The following RBFOX1 variants were observed in gnomAD, a reference collection of about 807,000 sequenced individuals.
The protein encoded by RBFOX1 is RNA binding fox-1 homolog 1, also known as RNA binding protein fox-1 homolog 1.
In RBFOX1, 8 loss-of-function variants were observed where a neutral mutation model predicts 57.7. The observed-to-expected ratio is 0.14, with a 90% confidence interval of 0.08 to 0.25. The LOEUF (loss-of-function observed/expected upper bound fraction) is 0.25. Among genes scored for constraint, RBFOX1 ranks in the 10% least tolerant of loss-of-function variants. RBFOX1 has a pLI of 1.00. For missense variants in RBFOX1, 611 were observed against 548.5 expected (o/e 1.11, Z -1.14); for synonymous variants, 326 against 222.4 (o/e 1.47, Z -4.15).
chr16:6,079,488 T>C (rs2095965422), intron 1 of RBFOX1, among the ~76,000 whole-genome samples: 1 of 152,144 alleles, frequency 6.6e-6, no homozygotes, highest in African/African-American at 2.4e-5. Context: ...TTTATTTTTA[T>C]TTGTTTTTTA....
chr16:6,231,062 C>T (rs1170796454), intron 1 of RBFOX1, among the ~76,000 whole-genome samples: 3 of 152,060 alleles, frequency 2.0e-5, no homozygotes, highest in Admixed American at 1.3e-4. Context: ...CAGATAGAAA[C>T]TAATTAAAGA....
At chr16:7,343,610 A>T (rs776927538) in intron 4 of RBFOX1, among the ~76,000 whole-genome samples, 2 of 152,136 alleles carry the variant, frequency 1.3e-5, no homozygotes, top group African/African-American at 4.8e-5. Flanking sequence ...GTTTTTAGGC[A>T]TTTACTATAT....
intron 3 of RBFOX1, among the ~76,000 whole-genome samples, chr16:5,669,337 C>T (rs1467658851): frequency 1.3e-5 from 2 of 152,062 alleles, no homozygotes; most frequent in Non-Finnish European, 2.9e-5. Context: ...TCTGCAAAAG[C>T]CTCAAGGCTT....
intron 4 of RBFOX1, among the ~76,000 whole-genome samples, chr16:7,117,267 C>T (rs8047861): frequency 0.23 from 35,699 of 151,938 alleles, 5,475 homozygotes; most frequent in African/African-American, 0.42. Context: ...TTTCATTGTA[C>T]GAACAGCCTA....
At chr16:6,194,408 A>G (rs766649609) in intron 1 of RBFOX1, among the ~76,000 whole-genome samples, 13 of 152,152 alleles carry the variant, frequency 8.5e-5, no homozygotes, top group Non-Finnish European at 1.8e-4. Context: ...AAGTGTTTTC[A>G]GGATTATGAC....
chr16:7,124,108 A>G (rs181318789), intron 4 of RBFOX1, among the ~76,000 whole-genome samples: 2 of 152,292 alleles, frequency 1.3e-5, no homozygotes, highest in Admixed American at 1.3e-4. Flanking sequence ...TACTTTTACC[A>G]AGTCTCAGGA....
At chr16:7,640,813 T>C (rs755119815) in intron 11 of RBFOX1, among the ~76,000 whole-genome samples, 1 of 152,110 alleles carries the variant, frequency 6.6e-6, no homozygotes, top group African/African-American at 2.4e-5. Context: ...AGAGAAATCC[T>C]TCAATAGTTT....
chr16:5,442,711 CA>C (rs765322498), intron 1 of RBFOX1, among the ~76,000 whole-genome samples: 75 of 152,300 alleles, frequency 4.9e-4, no homozygotes, highest in Non-Finnish European at 9.3e-4. Flanking sequence ...CCTGGCCACA[CA>C]CCTAGCATTA....
At chr16:6,871,699 A>G (rs558174524) in intron 3 of RBFOX1, among the ~76,000 whole-genome samples, 3 of 152,006 alleles carry the variant, frequency 2.0e-5, no homozygotes, top group Non-Finnish European at 4.4e-5. Context: ...CCATTAATCT[A>G]TTCTCCATAT....
At chr16:5,661,101 A>G (rs1273021900) in intron 3 of RBFOX1, among the ~76,000 whole-genome samples, 2 of 152,186 alleles carry the variant, frequency 1.3e-5, no homozygotes, top group East Asian at 1.9e-4. Flanking sequence ...GAGATTGGGA[A>G]AAGAAAGGAA....
At chr16:7,305,749 C>A (rs1378179811) in intron 4 of RBFOX1, among the ~76,000 whole-genome samples, 2 of 152,092 alleles carry the variant, frequency 1.3e-5, no homozygotes, top group Non-Finnish European at 2.9e-5. Context: ...TTTTCTGTTG[C>A]ATGTCTTTTT....
At chr16:7,547,621 C>T (rs547374650) in intron 5 of RBFOX1, among the ~76,000 whole-genome samples, 1 of 152,324 alleles carries the variant, frequency 6.6e-6, no homozygotes, top group South Asian at 2.1e-4. Context: ...AGGATTGAGG[C>T]AGGCATGACA....
chr16:6,365,376 G>A (rs13335064), intron 2 of RBFOX1, among the ~76,000 whole-genome samples: 3,861 of 151,400 alleles, frequency 0.026, 158 homozygotes, highest in African/African-American at 0.089. Flanking sequence ...GAGTGGATGG[G>A]TGGATAGGTG....
chr16:5,670,916 G>T (rs1280613807), intron 3 of RBFOX1, among the ~76,000 whole-genome samples: 1 of 152,188 alleles, frequency 6.6e-6, no homozygotes, highest in Non-Finnish European at 1.5e-5. Flanking sequence ...GCTCCACTTT[G>T]CAGATGAAGA....
At chr16:6,036,428 G>A (rs376045942) in intron 1 of RBFOX1, among the ~76,000 whole-genome samples, 1 of 151,938 alleles carries the variant, frequency 6.6e-6, no homozygotes, top group East Asian at 1.9e-4. Context: ...TTTGGGGAGG[G>A]GTGGAAAAAC....
intron 3 of RBFOX1, among the ~76,000 whole-genome samples, chr16:5,766,587 GAAAC>G (rs996672332): frequency 1.3e-4 from 20 of 152,152 alleles, no homozygotes; most frequent in South Asian, 4.2e-4. Context: ...TCTGTCTCAA[GAAAC>G]AAACAAACAA....
At chr16:7,437,974 C>T (rs2098736231) in intron 4 of RBFOX1, among the ~76,000 whole-genome samples, 1 of 151,540 alleles carries the variant, frequency 6.6e-6, no homozygotes, top group Admixed American at 6.6e-5. Flanking sequence ...GTCTTTGAAG[C>T]TTTTAGGATG....
At chr16:6,009,823 T>TGTGTGTGTGTGTGC (rs1037166099) in intron 4 of RBFOX1, among the ~76,000 whole-genome samples, 1 of 151,860 alleles carries the variant, frequency 6.6e-6, no homozygotes, top group African/African-American at 2.4e-5. Flanking sequence ...TGTCTGTGTG[T>TGTGTGTGTGTGTGC]GTGTGTGTGT....
intron 4 of RBFOX1, among the ~76,000 whole-genome samples, chr16:7,341,732 C>T (rs188998819): frequency 9.8e-5 from 13 of 132,718 alleles, no homozygotes; most frequent in African/African-American, 3.1e-4. Flanking sequence ...CCCTCCCTCC[C>T]TCCTTCCCTC....
Sources: gnomAD v4.1 joint callset for allele counts (sites outside exome capture counted in the v4.1 genomes callset) on GRCh38, gnomAD v4.1.1 for gene constraint, MANE v1.5 for transcripts, NCBI Gene and HGNC (gene_info 2026-07-23, HGNC 2026-07-21) for gene names.